The following AMOTL1 variants were observed in gnomAD, a reference collection of about 807,000 sequenced individuals.
The protein encoded by AMOTL1 is angiomotin-like protein 1.
AMOTL1 carries 45 observed loss-of-function variants against 102.9 expected under a neutral mutation model. The ratio of observed to expected loss-of-function variants is 0.44; its 90% CI spans 0.34 to 0.56. The LOEUF is 0.56. AMOTL1 is among the 20% of genes least tolerant of loss of function. AMOTL1 has a pLI of 0.01. For synonymous variants in AMOTL1, 481 were observed against 484.7 expected, an observed-to-expected ratio of 0.99 and a Z score of 0.10; for missense variants, 1,114 against 1,225.6, an observed-to-expected ratio of 0.91 and a Z score of 1.36.
At chr11:94,823,842 A>T (rs1951915043) in intron 4 of AMOTL1, among the ~76,000 whole-genome samples, 1 of 151,170 alleles carries the variant, frequency 6.6e-6, no homozygotes, top group Admixed American at 6.6e-5. Context: ...CAGCCTCCTG[A>T]GTAGCTGAGA....
At chr11:94,818,383 G>T (rs1951803387) in intron 3 of AMOTL1, among the ~76,000 whole-genome samples, 1 of 152,214 alleles carries the variant, frequency 6.6e-6, no homozygotes, top group Non-Finnish European at 1.5e-5. Flanking sequence ...ATTAGTACAG[G>T]TATTTGCAGG....
At chr11:94,746,597 T>C (rs1331613808) in intron 3 of AMOTL1, among the ~76,000 whole-genome samples, 2 of 152,186 alleles carry the variant, frequency 1.3e-5, no homozygotes, top group African/African-American at 2.4e-5. Flanking sequence ...TGCTCCTATC[T>C]AGCCTTCAAC....
intron 1 of AMOTL1, among the ~76,000 whole-genome samples, chr11:94,707,246 CTCTCTG>C (rs1462770027): frequency 6.7e-5 from 4 of 59,918 alleles, no homozygotes; most frequent in Admixed American, 2.0e-4. Flanking sequence ...CTCTCTCTCT[CTCTCTG>C]TGTGTGTGTG....
chr11:94,811,388 G>A (rs927459386), intron 3 of AMOTL1, among the ~76,000 whole-genome samples: 4 of 151,968 alleles, frequency 2.6e-5, no homozygotes, highest in Non-Finnish European at 2.9e-5. Flanking sequence ...CCAGCCGCTC[G>A]GGAGGCTGAG....
chr11:94,799,948 T>C lies in AMOTL1; in HGVS notation c.758T>C (p.Leu253Pro). The C allele has an allele frequency of 6.2e-7, 1 of 1,613,812 alleles. No individual in the cohort carries two copies. Among genetic ancestry groups the C allele is most frequent in the Non-Finnish European group, 8.5e-7 (1 of 1,179,788 alleles). Reference sequence around the variant, plus strand: ...CATAAGGACGAGGCGCTGAAGGAACTGAAGCAGGGCCACGTCCGCTCGCTC... The same window carrying C: ...CATAAGGACGAGGCGCTGAAGGAACCGAAGCAGGGCCACGTCCGCTCGCTC... Reference protein sequence around the residue: ...QAHKDEALKELKQGHVRSLSE... With the variant: ...QAHKDEALKEPKQGHVRSLSE... The change falls in exon 3 of 13, where the codon CTG (leucine) becomes CCG (proline). Residue 253 changes from leucine to proline, a missense_variant. Leu to Pro is a moderately conservative substitution (Grantham distance 98). Coordinates refer to ENST00000433060, the MANE Select transcript of AMOTL1 (RefSeq NM_130847.3). The surrounding 1 kb of genome is among the most constrained non-coding windows in gnomAD (Gnocchi z 4.5).
chr11:94,707,858 C>A (rs1005075517), intron 1 of AMOTL1, among the ~76,000 whole-genome samples: 8 of 152,152 alleles, frequency 5.3e-5, no homozygotes, highest in Non-Finnish European at 1.2e-4. Context: ...CAAATCCATC[C>A]ATTTCTCCCC....
intron 3 of AMOTL1, among the ~76,000 whole-genome samples, chr11:94,757,021 G>A (rs1950734351): frequency 6.7e-6 from 1 of 148,150 alleles, no homozygotes; most frequent in African/African-American, 2.5e-5. Flanking sequence ...TGTCTATTTT[G>A]GTATCTTGAA....
intron 1 of AMOTL1, among the ~76,000 whole-genome samples, chr11:94,790,749 T>C (rs1951270162): frequency 6.6e-6 from 1 of 152,178 alleles, no homozygotes; most frequent in Non-Finnish European, 1.5e-5. Flanking sequence ...GTGTGTATTG[T>C]ATGATAGCGG....
chr11:94,861,920 G>T (rs56787548), intron 9 of AMOTL1, among the ~76,000 whole-genome samples: 9,350 of 152,134 alleles, frequency 0.061, 526 homozygotes, highest in African/African-American at 0.14. Context: ...AGGGAGCGAG[G>T]AGAACCAGAC....
chr11:94,722,657 G>T (rs1950192224), intron 1 of AMOTL1, among the ~76,000 whole-genome samples: 1 of 152,076 alleles, frequency 6.6e-6, no homozygotes, highest in Admixed American at 6.6e-5. Flanking sequence ...TATATATACT[G>T]CCTCCCACAT....
At chr11:94,796,758 T>C (rs970251004) in intron 2 of AMOTL1, among the ~76,000 whole-genome samples, 3 of 152,234 alleles carry the variant, frequency 2.0e-5, no homozygotes, top group African/African-American at 7.2e-5. Context: ...CAATGTCATC[T>C]GCTGTCACCT....
At chr11:94,808,036 T>C (rs1458384731) in intron 3 of AMOTL1, among the ~76,000 whole-genome samples, 1 of 123,026 alleles carries the variant, frequency 8.1e-6, no homozygotes, top group African/African-American at 3.2e-5. Flanking sequence ...AGCTGGAAAC[T>C]GTATCAGGCA....
upstream of AMOTL1, among the ~76,000 whole-genome samples, chr11:94,764,650 AGCCCATTCTTAGG>A (rs1386016643): frequency 6.6e-6 from 1 of 152,214 alleles, no homozygotes; most frequent in Non-Finnish European, 1.5e-5. Flanking sequence ...TGCAAGCCCA[AGCCCATTCTTAGG>A]GCCCATTCAG....
At position 94,873,953 on chromosome 11, in the gene AMOTL1, A is replaced by C. The variant is rs333015; in HGVS notation, c.*3158A>C. 1 of 152,248 alleles carries C rather than the reference A, an allele frequency of 6.6e-6. No homozygotes were observed. The highest frequency in any genetic ancestry group is 2.4e-5 in the African/African-American group (1 of 41,456). The allele number at this position is 152,248 out of a possible 1,614,324, so 9.4% of individuals were successfully genotyped here. A position where few individuals can be genotyped will look rare whatever the true frequency, so the allele number is the denominator to read the frequency against. ...AACTATACCTAAAAAATATTTCTGC[A>C]CTTCCCAGAGACCTGGACTTCAAAC... On this transcript the variant is annotated 3_prime_UTR_variant, in exon 13 of 13. Transcript: ENST00000433060.
At chr11:94,830,870 T>A (rs756915906) in intron 5 of AMOTL1, among the ~76,000 whole-genome samples, 5 of 152,260 alleles carry the variant, frequency 3.3e-5, no homozygotes, top group Non-Finnish European at 5.9e-5. Flanking sequence ...TTTCTGTTGC[T>A]ACAAACTCTT....
rs75349459 is a variant in AMOTL1, at chr11:94,720,200, C to T, written c.-50-8721C>T. Among the ~76,000 whole-genome samples, 71 of 152,112 alleles carry T rather than the reference C, an allele frequency of 4.7e-4. 1 individual carries two copies. In the East Asian group the frequency reaches 0.013, roughly 27 times the overall value. ...AGGGGAGATGTGGAAAAGAACTTTG[C>T]TCAAATATATATGAAAATATCCCTC... On this transcript the variant is annotated intron_variant, in intron 1 of 4. Transcript: ENST00000299004.
At chr11:94,828,222 G>C (rs1020683698) in intron 4 of AMOTL1, among the ~76,000 whole-genome samples, 1 of 152,062 alleles carries the variant, frequency 6.6e-6, no homozygotes, top group Admixed American at 6.5e-5. Context: ...TGTTGTATTT[G>C]CTTTCTTTCT....
intron 3 of AMOTL1, among the ~76,000 whole-genome samples, chr11:94,813,325 T>G (rs1032802079): frequency 1.3e-5 from 2 of 152,216 alleles, no homozygotes; most frequent in Non-Finnish European, 2.9e-5. Context: ...CCTTGCTTGG[T>G]AACTGAACTC....
chr11:94,724,200 G>A (rs993235311), intron 1 of AMOTL1, among the ~76,000 whole-genome samples: 1 of 152,146 alleles, frequency 6.6e-6, no homozygotes, highest in Non-Finnish European at 1.5e-5. Flanking sequence ...TTGTAACCAA[G>A]ATGGACTATT....
Sources: allele counts gnomAD v4.1 joint callset (sites outside exome capture counted in the v4.1 genomes callset), GRCh38; gene constraint gnomAD v4.1.1; non-coding constraint Gnocchi (gnomAD v3.1); transcripts MANE v1.5; gene names NCBI Gene and HGNC (gene_info 2026-07-23, HGNC 2026-07-21).